The following NALF1 variants were observed in gnomAD, a reference collection of about 807,000 sequenced individuals.
NALF1 encodes NALCN channel auxiliary factor 1, also known as family with sequence similarity 155 member A.
Under a neutral mutation model 48.4 loss-of-function variants are expected in NALF1, and 3 were observed. The observed-to-expected ratio is 0.06, with a 90% CI of 0.03 to 0.16. The LOEUF is 0.16. NALF1 is among the 10% of genes least tolerant of loss of function. The pLI is 1.00. For synonymous variants in NALF1, 262 were observed against 245.7 expected (o/e 1.07, Z -0.62); for missense variants, 526 against 571.5 (o/e 0.92, Z 0.81).
intron 1 of NALF1, among the ~76,000 whole-genome samples, chr13:107,277,690 A>G (rs984482085): frequency 2.0e-5 from 3 of 152,160 alleles, no homozygotes; most frequent in Admixed American, 2.0e-4. Context: ...CATATTCCCA[A>G]TTTCTAACTG....
At chr13:107,815,175 A>C (rs1879125400) in intron 1 of NALF1, among the ~76,000 whole-genome samples, 1 of 152,214 alleles carries the variant, frequency 6.6e-6, no homozygotes, top group African/African-American at 2.4e-5. Flanking sequence ...CAAAATTAAA[A>C]ACTTTTGTAC....
chr13:107,343,954 A>G lies in NALF1; in HGVS notation c.916-133199T>C, dbSNP rs140326525. Among the ~76,000 whole-genome samples, 5 of 152,204 alleles carry G rather than the reference A, an allele frequency of 3.3e-5. No individual in the cohort carries two copies. In the East Asian group the frequency reaches 9.7e-4, roughly 29 times the overall value. On this transcript the variant is annotated intron_variant, in intron 1 of 2. Coordinates refer to ENST00000375915, the MANE Select transcript of NALF1 (RefSeq NM_001080396.3). ...AGATTAACAAAATTGACAAACCGTTATCTAGACTAAGAAAACAAGGGAAGA... is the reference window on the plus strand; with the variant it reads ...AGATTAACAAAATTGACAAACCGTTGTCTAGACTAAGAAAACAAGGGAAGA...
intron 1 of NALF1, among the ~76,000 whole-genome samples, chr13:107,751,554 C>T (rs779388091): frequency 2.1e-4 from 32 of 152,142 alleles, no homozygotes; most frequent in Non-Finnish European, 4.4e-4. Context: ...TTAGTTATTC[C>T]TTAAAACAGA....
intron 1 of NALF1, among the ~76,000 whole-genome samples, chr13:107,226,886 C>A (rs1261085246): frequency 6.6e-6 from 1 of 152,172 alleles, no homozygotes; most frequent in Non-Finnish European, 1.5e-5. Context: ...TGAAGTGAAG[C>A]CAGAGTTCAT....
intron 1 of NALF1, among the ~76,000 whole-genome samples, chr13:107,683,018 T>C (rs1418651110): frequency 1.3e-5 from 2 of 152,178 alleles, no homozygotes; most frequent in East Asian, 3.9e-4. Context: ...ATCCCAGCAC[T>C]TTGGGAGGCT....
chr13:107,255,726 T>C (rs1880801369), intron 1 of NALF1, among the ~76,000 whole-genome samples: 1 of 152,230 alleles, frequency 6.6e-6, no homozygotes, highest in African/African-American at 2.4e-5. Flanking sequence ...GTTATTATTA[T>C]TACAATTTAA....
At chr13:107,176,811 AG>A (rs1878948937) in intron 2 of NALF1, among the ~76,000 whole-genome samples, 1 of 152,228 alleles carries the variant, frequency 6.6e-6, no homozygotes, top group South Asian at 2.1e-4. Context: ...GGCAAGAGAA[AG>A]AAGAGCATTC....
At chr13:107,299,717 TTCGA>T in intron 1 of NALF1, among the ~76,000 whole-genome samples, 1 of 148,882 alleles carries the variant, frequency 6.7e-6, no homozygotes, top group African/African-American at 2.5e-5. Flanking sequence ...TATTTATTTA[TTCGA>T]TTATGTATTT....
intron 1 of NALF1, among the ~76,000 whole-genome samples, chr13:107,449,515 T>G (rs1455924923): frequency 6.6e-6 from 1 of 152,202 alleles, no homozygotes; most frequent in Non-Finnish European, 1.5e-5. Flanking sequence ...GCAAGAAGTC[T>G]GGTAAAATAT....
chr13:107,732,128 C>A (rs1216499607), intron 1 of NALF1, among the ~76,000 whole-genome samples: 1 of 152,074 alleles, frequency 6.6e-6, no homozygotes, highest in East Asian at 1.9e-4. Context: ...AGCAGCTTTG[C>A]TTATTCTTTT....
intron 1 of NALF1, among the ~76,000 whole-genome samples, chr13:107,756,434 G>A (rs1217135891): frequency 1.1e-5 from 1 of 87,796 alleles, no homozygotes; most frequent in Non-Finnish European, 2.1e-5. Context: ...AAGTTTAATG[G>A]CTATATATAT....
chr13:107,428,495 G>T (rs1234507853), intron 1 of NALF1, among the ~76,000 whole-genome samples: 1 of 152,246 alleles, frequency 6.6e-6, no homozygotes, highest in South Asian at 2.1e-4. Context: ...CAGTGTATGT[G>T]ACTGTATTAT....
chr13:107,323,194 G>C (rs981372756), intron 1 of NALF1, among the ~76,000 whole-genome samples: 2 of 152,068 alleles, frequency 1.3e-5, no homozygotes, highest in East Asian at 3.9e-4. Context: ...CCACAAAATT[G>C]CAAATGCTTC....
chr13:107,862,372 T>A (rs1282270548), intron 1 of NALF1, among the ~76,000 whole-genome samples: 2 of 152,160 alleles, frequency 1.3e-5, no homozygotes, highest in African/African-American at 4.8e-5. Flanking sequence ...TATTTCATTT[T>A]TTAATATTGT....
chr13:107,484,401 C>A (rs1272042931), intron 1 of NALF1, among the ~76,000 whole-genome samples: 2 of 152,132 alleles, frequency 1.3e-5, no homozygotes, highest in African/African-American at 4.8e-5. Flanking sequence ...TGAAATTATT[C>A]TTTCATATTA....
chr13:107,711,859 T>C (rs1428325306), intron 1 of NALF1, among the ~76,000 whole-genome samples: 1 of 152,232 alleles, frequency 6.6e-6, no homozygotes, highest in Non-Finnish European at 1.5e-5. Flanking sequence ...TTGTTTTTTA[T>C]GTTCAATTAA....
intron 1 of NALF1, among the ~76,000 whole-genome samples, chr13:107,854,971 C>A (rs1200446135): frequency 6.6e-6 from 1 of 152,066 alleles, no homozygotes; most frequent in East Asian, 1.9e-4. Context: ...TGGTAAGAAA[C>A]CAATTACTGA....
chr13:107,231,008 C>T (rs78648328), intron 1 of NALF1, among the ~76,000 whole-genome samples: 1 of 147,776 alleles, frequency 6.8e-6, no homozygotes, highest in Non-Finnish European at 1.5e-5. Context: ...TGCAGTGAGC[C>T]CATGGTTGTG....
chr13:107,436,479 A>G (rs781500245), intron 1 of NALF1, among the ~76,000 whole-genome samples: 55 of 152,324 alleles, frequency 3.6e-4, no homozygotes, highest in Non-Finnish European at 6.9e-4. Context: ...TTTTAAACCT[A>G]TGATCATTTT....
Sources: gnomAD v4.1 joint callset for allele counts (sites outside exome capture counted in the v4.1 genomes callset) on GRCh38, gnomAD v4.1.1 for gene constraint, MANE v1.5 for transcripts, NCBI Gene and HGNC (gene_info 2026-07-23, HGNC 2026-07-21) for gene names.